The following ZBTB44 variants were observed in gnomAD, a reference collection of about 807,000 sequenced individuals.
ZBTB44 encodes the protein zinc finger and BTB domain containing 44.
A neutral mutation model predicts 54.0 loss-of-function variants in ZBTB44; 15 were observed. The observed-to-expected ratio is 0.28, with a 90% CI of 0.19 to 0.43. ZBTB44 has a LOEUF of 0.43. Among genes scored for constraint, ZBTB44 ranks in the 20% least tolerant of loss-of-function variants. The pLI, the probability that ZBTB44 is intolerant of heterozygous loss-of-function variation, is 1.00. For synonymous variants in ZBTB44, 230 were observed against 250.1 expected, an observed-to-expected ratio of 0.92 and a Z score of 0.76; for missense variants, 487 against 707.1, an observed-to-expected ratio of 0.69 and a Z score of 3.53.
chr11:130,285,120 T>G (rs1266596688), intron 1 of ZBTB44: 1 of 166,446 alleles, frequency 6.0e-6, no homozygotes, highest in African/African-American at 2.4e-5. Flanking sequence ...TTCCGAAGTA[T>G]GGAGCAAAGC....
intron 1 of ZBTB44, among the ~76,000 whole-genome samples, chr11:130,277,717 T>G (rs979977246): frequency 6.6e-6 from 1 of 152,214 alleles, no homozygotes; most frequent in Non-Finnish European, 1.5e-5. Context: ...CTCTATTTTT[T>G]TGTGTGCATT....
chr11:130,298,458 T>G lies in ZBTB44; in HGVS notation c.-57+15917A>C, dbSNP rs887730036. Among the ~76,000 whole-genome samples, 8 of 135,136 alleles carry G rather than the reference T, an allele frequency of 5.9e-5. No individual in the cohort carries two copies. In the South Asian group the frequency reaches 6.5e-4, roughly 11 times the overall value. 88.7% of individuals were successfully genotyped at this position (135,136 alleles called of 152,430 possible). On this transcript the variant is annotated intron_variant, in intron 1 of 7. Coordinates refer to ENST00000357899, the MANE Select transcript of ZBTB44 (RefSeq NM_001301098.2). ...CCATGCCCGGCCAAAAGTTGAAGTT[T>G]TTTTTTTTTTTTTTTTTTTTTAAAG...
chr11:130,264,249 T>G (rs891035343), intron 1 of ZBTB44, among the ~76,000 whole-genome samples: 1 of 152,210 alleles, frequency 6.6e-6, no homozygotes, highest in African/African-American at 2.4e-5. Context: ...CATTAGTTGC[T>G]GCTGCTACTA....
At position 130,237,325 on chromosome 11, in the gene ZBTB44, C is replaced by T. The variant is rs141839469; in HGVS notation, c.1268-232G>A. ...GCAGTAGGGGAGGCAAACTAGGTAACGTCTACTGAAGCTGATTTTTGAATG... is the reference window on the plus strand; with the variant it reads ...GCAGTAGGGGAGGCAAACTAGGTAATGTCTACTGAAGCTGATTTTTGAATG... On this transcript the variant is annotated intron_variant, in intron 4 of 7. Transcript: ENST00000357899. 5.0e-3 allele frequency among the ~76,000 whole-genome samples: 767 copies of T among 152,246 alleles called. 6 individuals are homozygous for T. Among genetic ancestry groups the T allele is most frequent in the African/African-American group, 0.017 (724 of 41,548 alleles).
chr11:130,286,705 C>T (rs909126473), intron 1 of ZBTB44, among the ~76,000 whole-genome samples: 6 of 152,300 alleles, frequency 3.9e-5, no homozygotes, highest in African/African-American at 1.4e-4. Context: ...AATATATTAA[C>T]GTTGCCTGGA....
chr11:130,288,569 C>G (rs2134338888), intron 1 of ZBTB44, among the ~76,000 whole-genome samples: 1 of 152,074 alleles, frequency 6.6e-6, no homozygotes, highest in East Asian at 1.9e-4. Context: ...AGTCCTCAGA[C>G]TACATTAACC....
chr11:130,236,300 TG>T, intron 5 of ZBTB44: 1 of 1,239,084 alleles, frequency 8.1e-7, no homozygotes, highest in Non-Finnish European at 1.0e-6. Context: ...AATGACTTCA[TG>T]ATCTAAACCA....
At chr11:130,254,887 T>C (rs770700234) in intron 2 of ZBTB44, among the ~76,000 whole-genome samples, 1 of 152,104 alleles carries the variant, frequency 6.6e-6, no homozygotes, top group East Asian at 1.9e-4. Flanking sequence ...TGGAATACCA[T>C]GCAGCCATAA....
chr11:130,252,488 G>A (rs967870372), intron 2 of ZBTB44, among the ~76,000 whole-genome samples: 3 of 152,044 alleles, frequency 2.0e-5, no homozygotes, highest in Admixed American at 6.6e-5. Flanking sequence ...TCTCAGCACC[G>A]CATGGCACTT....
chr11:130,283,378 G>C (rs1940685192), intron 1 of ZBTB44, among the ~76,000 whole-genome samples: 1 of 151,992 alleles, frequency 6.6e-6, no homozygotes, highest in Admixed American at 6.6e-5. Flanking sequence ...ACAGTTCAGT[G>C]ACATTAAGTA....
At chr11:130,306,100 AAAT>A (rs556546616) in intron 1 of ZBTB44, among the ~76,000 whole-genome samples, 220 of 152,346 alleles carry the variant, frequency 1.4e-3, no homozygotes, top group Non-Finnish European at 2.1e-3. Context: ...TAAAAATTAA[AAAT>A]AATAAATATT....
intron 1 of ZBTB44, among the ~76,000 whole-genome samples, chr11:130,275,079 T>C (rs1039916436): frequency 6.6e-6 from 1 of 152,256 alleles, no homozygotes; most frequent in Non-Finnish European, 1.5e-5. Context: ...ATTTGACATA[T>C]GACAATTATA....
chr11:130,313,966 A>ATATATTTT (rs1160244728), intron 1 of ZBTB44, among the ~76,000 whole-genome samples: 1 of 116,134 alleles, frequency 8.6e-6, no homozygotes, highest in Non-Finnish European at 2.0e-5. Flanking sequence ...ATATATATAT[A>ATATATTTT]TTTTTTTAAA....
At chr11:130,291,284 G>A (rs1365150293) in intron 1 of ZBTB44, among the ~76,000 whole-genome samples, 14 of 152,078 alleles carry the variant, frequency 9.2e-5, no homozygotes, top group Admixed American at 5.2e-4. Context: ...GATTATAGGC[G>A]CGTGCCACCA....
intron 1 of ZBTB44, among the ~76,000 whole-genome samples, chr11:130,291,777 T>C (rs1279406710): frequency 2.0e-5 from 3 of 152,242 alleles, no homozygotes; most frequent in Non-Finnish European, 2.9e-5. Flanking sequence ...ACTTCCAGCA[T>C]AGGTTCTTTA....
chr11:130,241,929 T>C (rs545137430), intron 2 of ZBTB44, among the ~76,000 whole-genome samples: 2 of 152,308 alleles, frequency 1.3e-5, no homozygotes, highest in African/African-American at 4.8e-5. Context: ...TAGGTCTGTT[T>C]TCGGGTTTTC....
chr11:130,266,170 A>AC (rs1939235410), intron 1 of ZBTB44, among the ~76,000 whole-genome samples: 1 of 152,124 alleles, frequency 6.6e-6, no homozygotes, highest in African/African-American at 2.4e-5. Flanking sequence ...AAAATCCTAG[A>AC]CCCCTTAACG....
At chr11:130,249,360 T>G (rs945996609) in intron 2 of ZBTB44, among the ~76,000 whole-genome samples, 1 of 152,254 alleles carries the variant, frequency 6.6e-6, no homozygotes, top group South Asian at 2.1e-4. Context: ...CAAATAGCTA[T>G]GATTTCTTGA....
At chr11:130,288,892 G>A (rs1279078101) in intron 1 of ZBTB44, among the ~76,000 whole-genome samples, 3 of 147,222 alleles carry the variant, frequency 2.0e-5, no homozygotes, top group African/African-American at 5.1e-5. Context: ...GCGAGACTCC[G>A]TCTTAAAAAA....
Sources: allele counts gnomAD v4.1 joint callset (sites outside exome capture counted in the v4.1 genomes callset), GRCh38; gene constraint gnomAD v4.1.1; transcripts MANE v1.5; gene names NCBI Gene and HGNC (gene_info 2026-07-23, HGNC 2026-07-21).